Variants in LARS2 observed in about 807,000 individuals in gnomAD.
The protein encoded by LARS2 is leucyl-tRNA synthetase 2, mitochondrial.
Under a neutral mutation model 116.6 loss-of-function variants are expected in LARS2, and 81 were observed. The observed-to-expected ratio is 0.69, with a 90% confidence interval of 0.58 to 0.84. The LOEUF is 0.84. Ranked by LOEUF, LARS2 falls within the 40% of genes least tolerant of loss-of-function variation. LARS2 has a pLI of 0.00. For synonymous variants in LARS2, 396 were observed against 407.2 expected (o/e 0.97, Z 0.33); for missense variants, 968 against 1,114.5 (o/e 0.87, Z 1.87).
intron 10 of LARS2, among the ~76,000 whole-genome samples, chr3:45,483,640 C>A (rs1055027676): frequency 6.6e-6 from 1 of 151,824 alleles, no homozygotes; most frequent in Non-Finnish European, 1.5e-5. Context: ...CAGAGTGGGA[C>A]CCTGTCTCAA....
intron 11 of LARS2, among the ~76,000 whole-genome samples, 175 bp downstream of exon 11, chr3:45,485,971 G>T (rs1401180499): frequency 6.6e-6 from 1 of 151,208 alleles, no homozygotes; most frequent in Non-Finnish European, 1.5e-5. Context: ...ACTACATTTT[G>T]AAAATATACT....
chr3:45,476,541 A>T lies in LARS2; in HGVS notation c.932A>T (p.His311Leu). ...ATPEAIYGTSHVAISPSHRLL... is the reference protein window; with the variant it reads ...ATPEAIYGTSLVAISPSHRLL... Reference sequence around the variant, plus strand: ...CCTGAAGCCATTTATGGCACCTCCCACGTGGCCATCTCGCCCAGCCACAGA... The same window carrying T: ...CCTGAAGCCATTTATGGCACCTCCCTCGTGGCCATCTCGCCCAGCCACAGA... Residue 311 changes from histidine (H) to leucine (L), a missense_variant, in exon 10 of 22, where the codon CAC becomes CTC. Coordinates refer to ENST00000645846, the MANE Select transcript of LARS2 (RefSeq NM_015340.4). The T allele has an allele frequency of 6.2e-7, 1 of 1,614,218 alleles. No homozygotes were observed. Among genetic ancestry groups the T allele is most frequent in the Non-Finnish European group, 8.5e-7 (1 of 1,180,022 alleles).
At chr3:45,463,577 C>T (rs191592403) in intron 8 of LARS2, among the ~76,000 whole-genome samples, 64 of 152,110 alleles carry the variant, frequency 4.2e-4, no homozygotes, top group South Asian at 2.9e-3. Context: ...GACTGAGGCT[C>T]ATACTAGTAA....
intron 19 of LARS2, among the ~76,000 whole-genome samples, chr3:45,521,771 T>C (rs1172368356): frequency 1.3e-5 from 2 of 151,212 alleles, no homozygotes; most frequent in African/African-American, 2.4e-5. Flanking sequence ...TTTGTTTTTG[T>C]TTTTTTTTAA....
intron 6 of LARS2, chr3:45,421,158 A>G (rs922561903): frequency 1.3e-5 from 2 of 152,262 alleles, no homozygotes; most frequent in Middle Eastern, 3.4e-3. Context: ...ATGTTTCTCT[A>G]TTATAAATGC....
intron 3 of LARS2, among the ~76,000 whole-genome samples, chr3:45,399,976 A>C (rs1436722800): frequency 6.6e-6 from 1 of 152,066 alleles, no homozygotes; most frequent in Non-Finnish European, 1.5e-5. Flanking sequence ...CTTTCAAAAA[A>C]TAAGTTTTTA....
intron 15 of LARS2, among the ~76,000 whole-genome samples, chr3:45,502,092 T>TTA (rs1272215784): frequency 1.3e-5 from 2 of 152,092 alleles, no homozygotes; most frequent in African/African-American, 4.8e-5. Flanking sequence ...AACAATCCAA[T>TTA]TATACTCTTT....
rs1700313638 is a variant in LARS2 at position 45,513,146 on chromosome 3, A to G, written c.1772A>G (p.His591Arg). 2 of 1,612,290 alleles carry G rather than the reference A, an allele frequency of 1.2e-6. No homozygotes were observed. Among genetic ancestry groups the G allele is most frequent in the Admixed American group, 3.3e-5 (2 of 59,996 alleles). ...QKMVKHREPF[H>R]KLLAQGLIKG... is the part of the protein sequence containing the mutation. ...TCATCTTTCCTCAGGGAGCCTTTTC[A>G]TAAGCTGCTGGCCCAAGGCCTTATC... Residue 591 changes from histidine to arginine, a missense_variant, in exon 16 of 22, where the codon CAT becomes CGT. Physicochemically the swap from His to Arg is conservative, Grantham distance 29 (BLOSUM62 0). Coordinates refer to ENST00000645846, the MANE Select transcript of LARS2 (RefSeq NM_015340.4).
chr3:45,410,197 A>T (rs1156333263), intron 4 of LARS2, among the ~76,000 whole-genome samples: 1 of 152,214 alleles, frequency 6.6e-6, no homozygotes, highest in East Asian at 1.9e-4. Flanking sequence ...TTATTCTGCC[A>T]GTAACACAGC....
intron 6 of LARS2, chr3:45,421,291 T>C (rs1014885637): frequency 6.6e-6 from 1 of 152,180 alleles, no homozygotes; most frequent in Admixed American, 6.5e-5. Context: ...TAAAAATGAG[T>C]ATTCATATAT....
intron 7 of LARS2, among the ~76,000 whole-genome samples, chr3:45,449,572 G>A (rs1025219927): frequency 2.0e-5 from 3 of 152,096 alleles, no homozygotes; most frequent in South Asian, 2.1e-4. Context: ...CCTCTGAAAT[G>A]TCCCACCTCT....
Position 45,488,782 on chromosome 3 carries a change from T to G in LARS2, c.1209T>G (p.Asp403Glu). 1 of 1,613,404 alleles carries G rather than the reference T, an allele frequency of 6.2e-7. No individual in the cohort carries two copies. The highest frequency in any genetic ancestry group is 8.5e-7 in the Non-Finnish European group (1 of 1,179,352). ...CTGAAGTCATTGAAACTTTGCCAGA[T>G]GGCACAGAGAGACTGAGCAGCTCTG... ...AYSEVIETLPDGTERLSSSAE... is the reference protein window; with the variant it reads ...AYSEVIETLPEGTERLSSSAE... Residue 403 changes from aspartate (D) to glutamate (E), a missense_variant, in exon 12 of 22, where the codon GAT becomes GAG. By Grantham distance (45) the Asp-to-Glu change is conservative. Coordinates refer to ENST00000645846, the MANE Select transcript of LARS2 (RefSeq NM_015340.4).
At chr3:45,428,051 C>G (rs901297871) in intron 6 of LARS2, among the ~76,000 whole-genome samples, 1 of 151,710 alleles carries the variant, frequency 6.6e-6, no homozygotes, top group Admixed American at 6.6e-5. Context: ...AAACTCCTGA[C>G]CTCAAGTGAT....
In LARS2 at chr3:45,476,488, C is replaced by A. The variant is rs368510008; in HGVS notation, c.879C>A (p.Gly293=). 1.2e-6 allele frequency: 2 copies of A among 1,614,056 alleles called. No individual in the cohort carries two copies. The highest frequency in any genetic ancestry group is 1.7e-6 in the Non-Finnish European group (2 of 1,180,022). The change falls in exon 10 of 22, where the codon GGC becomes GGA. Residue 293 remains glycine (G), a synonymous_variant. Coordinates refer to ENST00000645846, the MANE Select transcript of LARS2 (RefSeq NM_015340.4). ...ACCAGGTTCATGGGCAAGCCACGGGCGAAAAGCTGACTGCCTATACGGCCA... is the reference window on the plus strand; with the variant it reads ...ACCAGGTTCATGGGCAAGCCACGGGAGAAAAGCTGACTGCCTATACGGCCA... ...FTLKVHGQAT[G]EKLTAYTATP...
At position 45,547,390 on chromosome 3, in the gene LARS2, C is replaced by G; in HGVS notation, c.2572C>G (p.Gln858Glu). The G allele has an allele frequency of 6.2e-7, 1 of 1,612,044 alleles. No individual in the cohort carries two copies. Among genetic ancestry groups the G allele is most frequent in the Non-Finnish European group, 8.5e-7 (1 of 1,179,412 alleles). Residue 858 changes from glutamine to glutamate, a missense_variant, in exon 22 of 22, where the codon CAA (glutamine) becomes GAA (glutamate). Gln to Glu is a conservative substitution (Grantham distance 29). Transcript: ENST00000645846. The stretch of plus-strand genomic sequence containing the variant: ...TTGTGGCAAAATTCCTGTGCCCCAA[C>G]AAGTTGCCCGGGACCAGGACAAAGT... ...KACGKIPVPQ[Q>E]VARDQDKVHE...
chr3:45,510,640 G>A (rs1349863818), intron 15 of LARS2, among the ~76,000 whole-genome samples: 1 of 152,254 alleles, frequency 6.6e-6, no homozygotes, highest in East Asian at 1.9e-4. Flanking sequence ...AACAGTTTGG[G>A]AAATGGCGTG....
intron 4 of LARS2, among the ~76,000 whole-genome samples, chr3:45,416,698 T>A (rs1190958053): frequency 2.0e-5 from 3 of 152,240 alleles, no homozygotes; most frequent in African/African-American, 7.2e-5. Flanking sequence ...CTGCATTTTT[T>A]ATTTTATTTA....
At chr3:45,470,277 T>C (rs898369675) in intron 8 of LARS2, among the ~76,000 whole-genome samples, 2 of 152,256 alleles carry the variant, frequency 1.3e-5, no homozygotes, top group Admixed American at 1.3e-4. Flanking sequence ...GAGAAAGTCA[T>C]ATTAGCCGCG....
At chr3:45,390,809 C>T (rs1351983537) in intron 1 of LARS2, among the ~76,000 whole-genome samples, 1 of 151,880 alleles carries the variant, frequency 6.6e-6, no homozygotes, top group Non-Finnish European at 1.5e-5. Flanking sequence ...CCCGCCACCA[C>T]GCCCAGCTAA....
Sources: allele counts gnomAD v4.1 joint callset (sites outside exome capture counted in the v4.1 genomes callset), GRCh38; gene constraint gnomAD v4.1.1; transcripts MANE v1.5; gene names NCBI Gene and HGNC (gene_info 2026-07-23, HGNC 2026-07-21).